Variants in LEKR1 observed in about 807,000 individuals in gnomAD.
The protein encoded by LEKR1 is leucine, glutamate and lysine rich 1.
In LEKR1, 59 loss-of-function variants were observed where a neutral mutation model predicts 72.4. The ratio of observed to expected loss-of-function variants is 0.82; its 90% CI spans 0.66 to 1.01. The LOEUF (loss-of-function observed/expected upper bound fraction) is 1.01, where lower values mean the gene tolerates loss of function less well. Ranked by LOEUF, LEKR1 falls within the 50% of genes least tolerant of loss-of-function variation. The pLI is 0.00. For missense variants in LEKR1, 728 were observed against 759.2 expected, an observed-to-expected ratio of 0.96 and a Z score of 0.48; for synonymous variants, 257 against 263.2, an observed-to-expected ratio of 0.98 and a Z score of 0.23.
chr3:156,917,083 G>A (rs563905836), intron 3 of LEKR1, among the ~76,000 whole-genome samples: 1 of 152,048 alleles, frequency 6.6e-6, no homozygotes, highest in African/African-American at 2.4e-5. Context: ...TGTATTCATG[G>A]GACAAGAAAA....
intron 5 of LEKR1, 150 bp downstream of exon 5, chr3:156,927,754 C>A: frequency 3.4e-6 from 1 of 294,302 alleles, no homozygotes; most frequent in Non-Finnish European, 6.2e-6. Context: ...AGATCTATTT[C>A]AACTCTGAAA....
rs1187833697 is a variant in LEKR1, at chr3:156,926,778, T to G, written c.384-651T>G. On this transcript the variant is annotated intron_variant, in intron 4 of 12. Coordinates refer to ENST00000356539, the MANE Select transcript of LEKR1 (RefSeq NM_001004316.3). The stretch of plus-strand genomic sequence containing the variant: ...ATAGATATAACCTCTGCCTTATAGA[T>G]CTTAGTCTACTCAGGGATGTAAATA... 2.6e-5 allele frequency among the ~76,000 whole-genome samples: 4 copies of G among 152,086 alleles called. No individual in the cohort carries two copies. The East Asian group carries it at 7.7e-4, about 29-fold the overall frequency.
At chr3:156,856,934 A>G (rs1716134690) in intron 3 of LEKR1, among the ~76,000 whole-genome samples, 1 of 152,030 alleles carries the variant, frequency 6.6e-6, no homozygotes, top group Admixed American at 6.6e-5. Flanking sequence ...ATTAGATTGG[A>G]CCTGTAGAAC....
intron 3 of LEKR1, among the ~76,000 whole-genome samples, chr3:156,861,509 G>C (rs1163113396): frequency 6.6e-6 from 1 of 151,994 alleles, no homozygotes; most frequent in Non-Finnish European, 1.5e-5. Flanking sequence ...CATCTCTCTT[G>C]AGATTCTGAT....
intron 12 of LEKR1, among the ~76,000 whole-genome samples, chr3:157,031,128 G>A (rs1734577773): frequency 6.6e-6 from 1 of 152,120 alleles, no homozygotes; most frequent in Non-Finnish European, 1.5e-5. Flanking sequence ...CAATCACAGG[G>A]CTTCGGGAGG....
chr3:156,981,410 C>G (rs896321037), intron 7 of LEKR1, among the ~76,000 whole-genome samples: 8 of 152,114 alleles, frequency 5.3e-5, no homozygotes, highest in Non-Finnish European at 1.0e-4. Context: ...AACTAATTAT[C>G]TGTAGGAAGT....
intron 9 of LEKR1, among the ~76,000 whole-genome samples, chr3:156,997,121 T>C (rs977594685): frequency 6.6e-6 from 1 of 152,084 alleles, no homozygotes; most frequent in Admixed American, 6.5e-5. Context: ...GCTTTTGACA[T>C]TACTGTCCTA....
intron 3 of LEKR1, among the ~76,000 whole-genome samples, chr3:156,862,895 C>T (rs1374661550): frequency 6.6e-6 from 1 of 151,858 alleles, no homozygotes; most frequent in East Asian, 1.9e-4. Flanking sequence ...TTATTATATC[C>T]CCTTTCTTTG....
At chr3:156,912,547 T>C (rs764912513) in intron 3 of LEKR1, among the ~76,000 whole-genome samples, 2 of 152,180 alleles carry the variant, frequency 1.3e-5, no homozygotes, top group Non-Finnish European at 2.9e-5. Context: ...GCCTATCTGC[T>C]GTCAAAGTCC....
chr3:156,874,056 A>T (rs1162845763), intron 3 of LEKR1, among the ~76,000 whole-genome samples: 1 of 152,002 alleles, frequency 6.6e-6, no homozygotes, highest in African/African-American at 2.4e-5. Context: ...TAGACTTGGG[A>T]AGTGTTCATC....
At chr3:156,952,539 G>A (rs2107976832) in intron 6 of LEKR1, among the ~76,000 whole-genome samples, 1 of 151,442 alleles carries the variant, frequency 6.6e-6, no homozygotes. Flanking sequence ...TGATTTTCAT[G>A]TATCAGATTA....
intron 9 of LEKR1, 55 bp from the exon 10 acceptor site, chr3:157,011,352 ACAACTT>A: frequency 8.6e-7 from 1 of 1,157,564 alleles, no homozygotes; most frequent in South Asian, 1.2e-5. Context: ...CCCAGGAACT[ACAACTT>A]AGGAATTGTG....
At chr3:156,960,739 T>C (rs903549142) in intron 6 of LEKR1, among the ~76,000 whole-genome samples, 3 of 152,210 alleles carry the variant, frequency 2.0e-5, no homozygotes, top group African/African-American at 7.2e-5. Context: ...TTAATAGTGG[T>C]TTAGGAGTAA....
chr3:156,859,792 G>A (rs988510978), intron 3 of LEKR1, among the ~76,000 whole-genome samples: 16 of 152,096 alleles, frequency 1.1e-4, no homozygotes, highest in African/African-American at 3.1e-4. Context: ...CTCCTTCCCC[G>A]TTAACACTTA....
intron 12 of LEKR1, among the ~76,000 whole-genome samples, chr3:157,031,292 G>T (rs969043845): frequency 2.0e-5 from 3 of 152,096 alleles, no homozygotes; most frequent in African/African-American, 7.2e-5. Context: ...AAAGACATAA[G>T]ACATTGGGTT....
At chr3:156,990,094 T>C (rs576664114) in intron 7 of LEKR1, among the ~76,000 whole-genome samples, 55 of 152,328 alleles carry the variant, frequency 3.6e-4, no homozygotes, top group African/African-American at 1.2e-3. Flanking sequence ...TAATCTAGAA[T>C]ATTTCCACAT....
At chr3:157,006,919 C>A (rs372304831) in intron 9 of LEKR1, among the ~76,000 whole-genome samples, 20 of 151,816 alleles carry the variant, frequency 1.3e-4, no homozygotes, top group African/African-American at 4.6e-4. Context: ...TACAAAGAGG[C>A]GGATGGGCAC....
intron 6 of LEKR1, among the ~76,000 whole-genome samples, chr3:156,964,275 C>G (rs1019153099): frequency 6.6e-6 from 1 of 152,036 alleles, no homozygotes; most frequent in Non-Finnish European, 1.5e-5. Context: ...CTTCCCCCCT[C>G]CTATTTTCTT....
In LEKR1 at chr3:156,931,761, T is replaced by G. The variant is rs541223813; in HGVS notation, c.559+4157T>G. 4.1e-4 allele frequency among the ~76,000 whole-genome samples: 63 copies of G among 152,278 alleles called. 1 individual carries two copies. In the South Asian group the frequency reaches 0.012, roughly 28 times the overall value. The stretch of plus-strand genomic sequence containing the variant: ...TACACAAATAATACATATTGTATTA[T>G]TTCATTTATACGATGTTCTAGAAAC... On this transcript the variant is annotated intron_variant, in intron 5 of 12. Transcript: ENST00000356539.
Sources: allele counts gnomAD v4.1 joint callset (sites outside exome capture counted in the v4.1 genomes callset), GRCh38; gene constraint gnomAD v4.1.1; transcripts MANE v1.5; gene names NCBI Gene and HGNC (gene_info 2026-07-23, HGNC 2026-07-21).